Variants in ZNF117 observed in about 807,000 individuals in gnomAD.
The protein encoded by ZNF117 is zinc finger protein 117, also known as Krueppel-related zinc finger protein.
A neutral mutation model predicts 41.2 loss-of-function variants in ZNF117; 37 were observed. That is an observed-to-expected ratio of 0.90 (90% CI 0.69 to 1.18). The LOEUF is 1.18. Ranked by LOEUF, ZNF117 falls within the 50% of genes most tolerant of loss-of-function variation. The probability of loss-of-function intolerance (pLI) is 0.00; values close to 1 mark genes in which losing one functional copy is unlikely to be tolerated. For missense variants in ZNF117, 546 were observed against 557.5 expected (o/e 0.98, Z 0.21); for synonymous variants, 186 against 186.6 (o/e 1.00, Z 0.02).
upstream of ZNF117, among the ~76,000 whole-genome samples, chr7:64,985,383 C>T (rs1786113784): frequency 6.6e-6 from 1 of 152,162 alleles, no homozygotes. Flanking sequence ...ATCTTTTAGT[C>T]TTTAGCATTT....
At chr7:64,976,236 G>A (rs1785883718) in exon 3 of ZNF117, 1 of 152,418 alleles carries the variant, frequency 6.6e-6, no homozygotes, top group South Asian at 2.1e-4. Flanking sequence ...GAGGTCAGGA[G>A]TTCAAGATCA....
downstream of ZNF117, chr7:64,972,200 G>A (rs901903873): frequency 7.2e-5 from 11 of 152,114 alleles, no homozygotes; most frequent in African/African-American, 2.6e-4. Flanking sequence ...GAAAAGGAAT[G>A]CTTGCACACT....
At chr7:64,983,728 G>A (rs1413530175), upstream of ZNF117, among the ~76,000 whole-genome samples, 1 of 152,156 alleles carries the variant, frequency 6.6e-6, no homozygotes, top group East Asian at 1.9e-4. Context: ...CACACCCACA[G>A]AGATAGACAG....
intron 1 of ZNF117, among the ~76,000 whole-genome samples, chr7:64,987,768 G>A (rs1179356730): frequency 1.3e-5 from 2 of 150,658 alleles, no homozygotes; most frequent in Admixed American, 6.6e-5. Context: ...AGGATAGCTT[G>A]AGCCCAGGAG....
At chr7:64,978,067 T>TCTCTCCTGTGCTCTCCA (rs1785928777) in exon 3 of ZNF117, 2 of 1,565,422 alleles carry the variant, frequency 1.3e-6, no homozygotes. Context: ...TCTTCACACT[T>TCTCTCCTGTGCTCTCCA]GTAAGGTTTC....
chr7:64,988,194 C>A (rs908503607), intron 1 of ZNF117, among the ~76,000 whole-genome samples: 1 of 152,042 alleles, frequency 6.6e-6, no homozygotes, highest in African/African-American at 2.4e-5. Context: ...ACCATTGATG[C>A]AAAAATCTTC....
At chr7:64,975,218 G>A (rs545376557) in exon 3 of ZNF117, 2 of 151,328 alleles carry the variant, frequency 1.3e-5, no homozygotes, top group Admixed American at 6.6e-5. Context: ...GTCTTAACAT[G>A]TTAAAAAAAA....
At position 64,978,660 on chromosome 7, in the gene ZNF117, G is replaced by A. The variant is rs200968779; in HGVS notation, c.911C>T (p.Pro304Leu). Reference sequence around the variant, plus strand: ...TTTGCCACATTCTTCACATTTGTAGGGCTTCTCTCCACTATGAATTCTCTT... The same window carrying A: ...TTTGCCACATTCTTCACATTTGTAGAGCTTCTCTCCACTATGAATTCTCTT... The change falls in exon 3 of 3, where the codon CCC becomes CTC. Residue 304 changes from proline to leucine, a missense_variant. By Grantham distance (98) the Pro-to-Leu change is moderately conservative. Transcript: ENST00000620222. 3.8e-5 allele frequency: 62 copies of A among 1,612,572 alleles called. 1 individual carries two copies. In the African/African-American group the frequency reaches 8.0e-4, roughly 21 times the overall value.
chr7:64,980,523 A>G (rs1274859009), intron 2 of ZNF117: 1 of 151,310 alleles, frequency 6.6e-6, no homozygotes, highest in Non-Finnish European at 1.5e-5. Flanking sequence ...AAAAAATATA[A>G]AAAAGGAACT....
chr7:64,989,026 A>G, intron 1 of ZNF117, among the ~76,000 whole-genome samples: 1 of 152,124 alleles, frequency 6.6e-6, no homozygotes, highest in East Asian at 1.9e-4. Context: ...TGCCAAAAGA[A>G]ATTTACAGAT....
At chr7:64,983,205 G>C (rs1173558590), upstream of ZNF117, among the ~76,000 whole-genome samples, 1 of 152,156 alleles carries the variant, frequency 6.6e-6, no homozygotes, top group Admixed American at 6.5e-5. Flanking sequence ...AACAGAGATG[G>C]TACCTCAACG....
At chr7:64,987,199 T>G (rs1433956369) in intron 1 of ZNF117, among the ~76,000 whole-genome samples, 1 of 152,098 alleles carries the variant, frequency 6.6e-6, no homozygotes, top group Non-Finnish European at 1.5e-5. Context: ...TGAATAACTT[T>G]TGGGTAAATA....
rs769283893 is a variant in ZNF117, at chr7:64,979,216, A to G, written c.355T>C (p.Cys119Arg). 2.3e-5 allele frequency: 37 copies of G among 1,609,478 alleles called. No homozygotes were observed. The highest frequency in any genetic ancestry group is 3.1e-5 in the Non-Finnish European group (37 of 1,178,306). The change falls in exon 3 of 3, where the codon TGC (cysteine) becomes CGC (arginine). Residue 119 changes from cysteine (C) to arginine (R), a missense_variant. Cys to Arg is a radical substitution (Grantham distance 180). Coordinates refer to ENST00000620222, the Ensembl canonical transcript of ZNF117. ...TGTTGAGTTAGGTGTGAAAGCATGC[A>G]AAATGTTTTGCGACATTCTTTACAT... is the stretch of plus-strand genomic sequence containing the variant.
At chr7:64,972,116 CAGG>C (rs1785793973), downstream of ZNF117, 1 of 151,546 alleles carries the variant, frequency 6.6e-6, no homozygotes, top group Non-Finnish European at 1.5e-5. Flanking sequence ...AAAGAAAAAC[CAGG>C]AGATTATCAA....
At chr7:64,990,997 T>TAA in exon 1 of ZNF117, 1 of 413,260 alleles carries the variant, frequency 2.4e-6, no homozygotes, top group Non-Finnish European at 4.3e-6. Flanking sequence ...AAGTAGCTCT[T>TAA]TTCTTGGCAG....
chr7:64,990,938 T>A (rs751270566), exon 1 of ZNF117: 2 of 278,896 alleles, frequency 7.2e-6, no homozygotes, highest in African/African-American at 2.2e-5. Context: ...ATGCTTTTTA[T>A]AAGTAAAGTT....
chr7:64,989,926 G>T (rs1010455154), intron 1 of ZNF117, 21 bp downstream of exon 1: 5 of 151,908 alleles, frequency 3.3e-5, no homozygotes, highest in African/African-American at 7.3e-5. Flanking sequence ...ACAAAAATTA[G>T]CTGGGTTTTG....
At chr7:64,987,129 T>C (rs1786153325) in intron 1 of ZNF117, among the ~76,000 whole-genome samples, 1 of 151,890 alleles carries the variant, frequency 6.6e-6, no homozygotes, top group Admixed American at 6.6e-5. Flanking sequence ...CAAATATAAA[T>C]CAAAACAAAG....
chr7:64,976,591 T>A (rs577411754), exon 3 of ZNF117: 92 of 213,050 alleles, frequency 4.3e-4, no homozygotes, highest in Middle Eastern at 2.7e-3. Context: ...TCTGAAGTGC[T>A]TTCCTGTGCT....
Sources: gnomAD v4.1 joint callset for allele counts (sites outside exome capture counted in the v4.1 genomes callset) on GRCh38, gnomAD v4.1.1 for gene constraint, MANE v1.5 for transcripts, NCBI Gene and HGNC (gene_info 2026-07-23, HGNC 2026-07-21) for gene names.